STMN4: variants seen among roughly 807,000 people sequenced by gnomAD.
The protein encoded by STMN4 is stathmin 4, also known as stathmin-4.
Under a neutral mutation model 29.1 loss-of-function variants are expected in STMN4, and 12 were observed. The ratio of observed to expected loss-of-function variants is 0.41; its 90% CI spans 0.26 to 0.67. The LOEUF (loss-of-function observed/expected upper bound fraction) is 0.67, where lower values mean the gene tolerates loss of function less well. STMN4 is among the 30% of genes least tolerant of loss of function. STMN4 has a pLI of 0.30. For missense variants in STMN4, 181 were observed against 262.8 expected (o/e 0.69, Z 2.15); for synonymous variants, 114 against 105.3 (o/e 1.08, Z -0.51).
intron 1 of STMN4, among the ~76,000 whole-genome samples, chr8:27,254,616 G>A (rs1801885604): frequency 6.6e-6 from 1 of 152,076 alleles, no homozygotes; most frequent in African/African-American, 2.4e-5. Flanking sequence ...GGGATGGAGT[G>A]GGAGCACTCA....
chr8:27,241,824 C>A lies in STMN4; in HGVS notation c.110-67G>T, dbSNP rs866762918. The A allele has an allele frequency of 4.3e-5, 68 of 1,580,432 alleles. No homozygotes were observed. The Middle Eastern group carries it at 1.2e-3, about 27-fold the overall frequency. ...TTCCTTGGTGCCAGACCAAACCAAA[C>A]CCATCTCTGCTTCTAACCAGGACAT... On this transcript the variant is annotated intron_variant, in intron 3 of 6. Transcript: ENST00000350889.
At chr8:27,238,219 T>G (rs1294073923) in intron 6 of STMN4, among the ~76,000 whole-genome samples, 1 of 152,114 alleles carries the variant, frequency 6.6e-6, no homozygotes, top group Non-Finnish European at 1.5e-5. Flanking sequence ...ATTTTTTAAT[T>G]TTATACCAAG....
At chr8:27,241,641 T>C in intron 4 of STMN4, 36 bp downstream of exon 4, 2 of 1,611,672 alleles carry the variant, frequency 1.2e-6, no homozygotes, top group Non-Finnish European at 1.7e-6. Flanking sequence ...CATCTGACGC[T>C]CGGCCTGCGG....
chr8:27,250,304 T>G (rs1483736156), intron 1 of STMN4, among the ~76,000 whole-genome samples: 5 of 152,242 alleles, frequency 3.3e-5, no homozygotes, highest in African/African-American at 1.2e-4. Context: ...TCTTTGGGTT[T>G]AAAATCAAAA....
At chr8:27,246,117 G>A (rs1039145134) in intron 1 of STMN4, among the ~76,000 whole-genome samples, 9 of 152,194 alleles carry the variant, frequency 5.9e-5, no homozygotes, top group African/African-American at 1.9e-4. Context: ...CTATGGTCCT[G>A]AGGACTCACA....
intron 2 of STMN4, among the ~76,000 whole-genome samples, 167 bp downstream of exon 2, chr8:27,243,544 C>A (rs1229787318): frequency 2.0e-5 from 3 of 152,008 alleles, no homozygotes; most frequent in Non-Finnish European, 4.4e-5. Context: ...AGTGGTGTGC[C>A]TCCCGCCACT....
chr8:27,245,891 C>T (rs1017661368), intron 1 of STMN4, among the ~76,000 whole-genome samples: 1 of 152,222 alleles, frequency 6.6e-6, no homozygotes, highest in Non-Finnish European at 1.5e-5. Context: ...CCACATTATC[C>T]TAGTCTAACT....
intron 6 of STMN4, among the ~76,000 whole-genome samples, chr8:27,237,745 C>T (rs886495129): frequency 1.3e-5 from 2 of 152,218 alleles, no homozygotes; most frequent in African/African-American, 2.4e-5. Flanking sequence ...CCAACCAGGC[C>T]TCAGTTCTCT....
Position 27,240,164 on chromosome 8 carries a change from T to G in STMN4, c.400-2A>C. On this transcript the variant is annotated splice_acceptor_variant, in intron 5 of 6. Transcript: ENST00000350889. LOFTEE classifies it high-confidence loss of function. ...TTTCAGGAGCTCCGCTTCCTGGTAC[T>G]GGGGAAGCATAAAGGCAGAAGGAGG... is the stretch of plus-strand genomic sequence containing the variant. 6.2e-7 allele frequency: 1 copy of G among 1,613,036 alleles called. No individual in the cohort carries two copies. The highest frequency in any genetic ancestry group is 8.5e-7 in the Non-Finnish European group (1 of 1,179,478).
chr8:27,242,595 C>T, intron 2 of STMN4, 103 bp from the exon 3 acceptor site: 1 of 1,109,010 alleles, frequency 9.0e-7, no homozygotes, highest in Non-Finnish European at 1.3e-6. Context: ...TCCATAAAGG[C>T]ACTCAAACCA....
chr8:27,242,103 G>T, intron 3 of STMN4: 1 of 562,622 alleles, frequency 1.8e-6, no homozygotes, highest in Non-Finnish European at 3.2e-6. Flanking sequence ...ATATCTGTCT[G>T]GCTCACCTTT....
At chr8:27,242,601 A>C in intron 2 of STMN4, 109 bp from the exon 3 acceptor site, 1 of 1,048,186 alleles carries the variant, frequency 9.5e-7, no homozygotes, top group Admixed American at 2.1e-5. Flanking sequence ...AAGGCACTCA[A>C]ACCACGCAGG....
chr8:27,241,301 A>G (rs1801463293), intron 4 of STMN4, 39 bp from the exon 5 acceptor site: 2 of 1,612,478 alleles, frequency 1.2e-6, no homozygotes, highest in Non-Finnish European at 1.7e-6. Flanking sequence ...CGTCCTGAAG[A>G]ATGCACAGGC....
chr8:27,254,522 C>T (rs73563942), intron 1 of STMN4, among the ~76,000 whole-genome samples: 12,375 of 152,164 alleles, frequency 0.081, 1,575 homozygotes, highest in African/African-American at 0.27. Flanking sequence ...GGAGTGGACA[C>T]GCAGCTCTCA....
chr8:27,245,646 C>T (rs1392091995), intron 1 of STMN4, among the ~76,000 whole-genome samples: 1 of 152,244 alleles, frequency 6.6e-6, no homozygotes, highest in African/African-American at 2.4e-5. Context: ...GCCAGGCTGA[C>T]TGACAAGTCA....
chr8:27,238,283 T>A (rs1041392936), intron 6 of STMN4, among the ~76,000 whole-genome samples: 2 of 152,166 alleles, frequency 1.3e-5, no homozygotes, highest in African/African-American at 4.8e-5. Context: ...CAGCAGGCAT[T>A]GTTGAAGGTG....
Position 27,242,382 on chromosome 8 carries a change from T to C in STMN4, c.109+15A>G. The C allele has an allele frequency of 6.2e-7, 1 of 1,614,082 alleles. No individual in the cohort carries two copies. Among genetic ancestry groups the C allele is most frequent in the Non-Finnish European group, 8.5e-7 (1 of 1,179,950 alleles). On this transcript the variant is annotated intron_variant, in intron 3 of 6. Transcript: ENST00000350889. ...CCCCCCCGCCCCTCACTTTCCTGGC[T>C]GAGCCTTCACTGACCTTCATATTTG... is the stretch of plus-strand genomic sequence containing the variant.
intron 6 of STMN4, among the ~76,000 whole-genome samples, chr8:27,238,791 CT>C (rs1373222633): frequency 6.6e-6 from 1 of 152,226 alleles, no homozygotes; most frequent in Non-Finnish European, 1.5e-5. Context: ...AGGATAACAC[CT>C]GTCCAGCTTG....
At chr8:27,242,056 A>G (rs1801490416) in intron 3 of STMN4, 3 of 563,730 alleles carry the variant, frequency 5.3e-6, no homozygotes, top group Non-Finnish European at 9.5e-6. Context: ...ACATCGTCTC[A>G]TCTTCTCTTC....
Sources: gnomAD v4.1 joint callset for allele counts (sites outside exome capture counted in the v4.1 genomes callset) on GRCh38, gnomAD v4.1.1 for gene constraint, MANE v1.5 for transcripts, NCBI Gene and HGNC (gene_info 2026-07-23, HGNC 2026-07-21) for gene names.